The following CUL2 variants were observed in gnomAD, a reference collection of about 807,000 sequenced individuals.
CUL2 encodes the protein cullin-2.
In CUL2, 22 loss-of-function variants were observed where a neutral mutation model predicts 110.2. That is an observed-to-expected ratio of 0.20 (90% confidence interval 0.14 to 0.28). CUL2 has a LOEUF of 0.28. CUL2 is among the 10% of genes least tolerant of loss of function. The pLI is 1.00. For missense variants in CUL2, 631 were observed against 905.5 expected (o/e 0.70, Z 3.89); for synonymous variants, 279 against 293.2 (o/e 0.95, Z 0.49).
chr10:35,067,062 T>C (rs975189295), intron 2 of CUL2, among the ~76,000 whole-genome samples: 14 of 150,798 alleles, frequency 9.3e-5, no homozygotes, highest in Non-Finnish European at 1.6e-4. Context: ...GGCAGGAGAA[T>C]TGCCTCCCGG....
At chr10:35,074,170 C>G in intron 1 of CUL2, 1 of 1,534,562 alleles carries the variant, frequency 6.5e-7, no homozygotes, top group Non-Finnish European at 8.7e-7. Flanking sequence ...TTGCCCTTAT[C>G]AAAGACACAA....
At chr10:35,084,137 T>G (rs1410108688) in intron 1 of CUL2, among the ~76,000 whole-genome samples, 1 of 151,926 alleles carries the variant, frequency 6.6e-6, no homozygotes, top group Non-Finnish European at 1.5e-5. Context: ...ATTAGTCAGG[T>G]GTGGTGGCAG....
chr10:35,036,926 G>A (rs570799927), intron 9 of CUL2, among the ~76,000 whole-genome samples: 34 of 152,090 alleles, frequency 2.2e-4, no homozygotes, highest in Non-Finnish European at 4.1e-4. Flanking sequence ...GCAGAGATGG[G>A]ATACTGTCAT....
rs201846177 is a variant in CUL2 at position 35,035,124 on chromosome 10, G to A, written c.1002+48C>T. The A allele has an allele frequency of 2.8e-3, 4,482 of 1,608,602 alleles. 150 individuals are homozygous for A. In the South Asian group the frequency reaches 0.047, roughly 17 times the overall value. On this transcript the variant is annotated intron_variant, in intron 10 of 20. Coordinates refer to ENST00000374749, the MANE Select transcript of CUL2 (RefSeq NM_003591.4). ...AATAAAGTCAAAGGAAAGGCTCCACGCTGGATCTGATTAGGAGGAAAACAT... is the reference window on the plus strand; with the variant it reads ...AATAAAGTCAAAGGAAAGGCTCCACACTGGATCTGATTAGGAGGAAAACAT...
chr10:35,098,779 A>C (rs2087336233), intron 2 of CUL2, among the ~76,000 whole-genome samples: 1 of 151,404 alleles, frequency 6.6e-6, no homozygotes, highest in Non-Finnish European at 1.5e-5. Context: ...AAAAAAAACC[A>C]AAAAATTAGC....
chr10:35,095,644 C>T (rs1180558588), intron 2 of CUL2, among the ~76,000 whole-genome samples: 4 of 151,986 alleles, frequency 2.6e-5, no homozygotes, highest in African/African-American at 4.8e-5. Context: ...CTGCAACCTC[C>T]GCCTCCCCGG....
chr10:35,042,189 CTCTAA>C (rs1206190833), intron 8 of CUL2, among the ~76,000 whole-genome samples: 7 of 151,484 alleles, frequency 4.6e-5, no homozygotes, highest in African/African-American at 1.7e-4. Flanking sequence ...CCCTGATAAC[CTCTAA>C]TCTATCTTCT....
intron 1 of CUL2, among the ~76,000 whole-genome samples, chr10:35,076,902 A>G (rs2086833168): frequency 6.6e-6 from 1 of 152,074 alleles, no homozygotes; most frequent in East Asian, 1.9e-4. Flanking sequence ...TACAAAAAAA[A>G]TTAGCCAGGT....
intron 8 of CUL2, among the ~76,000 whole-genome samples, chr10:35,042,663 G>A (rs1482749706): frequency 2.0e-5 from 3 of 152,122 alleles, no homozygotes; most frequent in Non-Finnish European, 4.4e-5. Context: ...AGAAGCTCCT[G>A]CACTCATGGT....
At chr10:35,110,537 C>T (rs1392141388) in intron 1 of CUL2, among the ~76,000 whole-genome samples, 2 of 152,090 alleles carry the variant, frequency 1.3e-5, no homozygotes, top group East Asian at 1.9e-4. Flanking sequence ...TGCACTCCAG[C>T]CTGGGTGACA....
At chr10:35,093,675 A>G (rs1339915535), upstream of CUL2, among the ~76,000 whole-genome samples, 1 of 150,906 alleles carries the variant, frequency 6.6e-6, no homozygotes, top group Non-Finnish European at 1.5e-5. Flanking sequence ...AAAAAAAAAA[A>G]AAAAAAGAAA....
chr10:35,034,916 T>G (rs2085581449), intron 10 of CUL2, among the ~76,000 whole-genome samples: 1 of 152,200 alleles, frequency 6.6e-6, no homozygotes, highest in Admixed American at 6.5e-5. Context: ...GAGCTTATTT[T>G]CCTGTGGAAA....
At chr10:35,025,239 T>A in intron 16 of CUL2, 41 bp from the exon 17 acceptor site, 1 of 1,537,994 alleles carries the variant, frequency 6.5e-7, no homozygotes, top group South Asian at 1.3e-5. Context: ...TTTTAGCTAC[T>A]ATAACTTGCC....
At chr10:35,068,112 A>G (rs1157477167) in intron 2 of CUL2, among the ~76,000 whole-genome samples, 1 of 150,372 alleles carries the variant, frequency 6.7e-6, no homozygotes, top group East Asian at 1.9e-4. Context: ...TCCGTCTCAA[A>G]AAAAAAAAAA....
intron 2 of CUL2, among the ~76,000 whole-genome samples, chr10:35,065,557 T>G (rs1422287685): frequency 6.6e-6 from 1 of 152,052 alleles, no homozygotes; most frequent in Non-Finnish European, 1.5e-5. Flanking sequence ...AGATGGAGGT[T>G]GCAGTGAGCC....
chr10:35,089,221 G>A (rs2087138987), intron 1 of CUL2, among the ~76,000 whole-genome samples: 1 of 152,166 alleles, frequency 6.6e-6, no homozygotes, highest in Admixed American at 6.5e-5. Context: ...CGACTCTTTT[G>A]GAAGGATCTT....
Position 35,060,864 on chromosome 10 carries a change from G to A in CUL2, c.317+10C>T. 1 of 1,598,870 alleles carries A rather than the reference G, an allele frequency of 6.3e-7. No homozygotes were observed. The highest frequency in any genetic ancestry group is 1.1e-5 in the South Asian group (1 of 88,254). ...TGCTTAGCTTGTCTAGATTTTAAAG[G>A]CACACTCACCTATATAAGCAGTCCA... On this transcript the variant is annotated intron_variant, in intron 4 of 20. Transcript: ENST00000374749.
chr10:35,046,761 G>A (rs1018368862), intron 6 of CUL2, among the ~76,000 whole-genome samples: 1 of 151,996 alleles, frequency 6.6e-6, no homozygotes, highest in African/African-American at 2.4e-5. Context: ...GCATGGTGGC[G>A]CATGTCTATA....
rs551824143 is a variant in CUL2 at position 35,116,236 on chromosome 10, C to T, written c.-51+10369G>A. Among the ~76,000 whole-genome samples, 21 of 151,320 alleles carry T rather than the reference C, an allele frequency of 1.4e-4. No individual in the cohort carries two copies. In the East Asian group the frequency reaches 2.6e-3, roughly 19 times the overall value. On this transcript the variant is annotated intron_variant, in intron 1 of 5. Transcript: ENST00000685421. Reference sequence around the variant, plus strand: ...CAGGCGCCTGTAATCCCAGCTACTCCGGAGGCTGAGGCACAAGAATTCCTT... The same window carrying T: ...CAGGCGCCTGTAATCCCAGCTACTCTGGAGGCTGAGGCACAAGAATTCCTT...
Sources: gnomAD v4.1 joint callset for allele counts (sites outside exome capture counted in the v4.1 genomes callset) on GRCh38, gnomAD v4.1.1 for gene constraint, MANE v1.5 for transcripts, NCBI Gene and HGNC (gene_info 2026-07-23, HGNC 2026-07-21) for gene names.